The following RAB3B variants were observed in gnomAD, a reference collection of about 807,000 sequenced individuals.
RAB3B encodes the protein ras-related protein Rab-3B.
RAB3B carries 11 observed loss-of-function variants against 20.5 expected under a neutral mutation model. The observed-to-expected ratio is 0.54, with a 90% CI of 0.34 to 0.89. The LOEUF (loss-of-function observed/expected upper bound fraction) is 0.89. RAB3B is among the 40% of genes least tolerant of loss of function. The probability of loss-of-function intolerance (pLI) is 0.02; values close to 1 mark genes in which losing one functional copy is unlikely to be tolerated. For missense variants in RAB3B, 225 were observed against 280.9 expected (o/e 0.80, Z 1.42); for synonymous variants, 99 against 106.3 (o/e 0.93, Z 0.42).
intron 1 of RAB3B, among the ~76,000 whole-genome samples, chr1:51,979,322 G>A (rs542876600): frequency 4.0e-5 from 6 of 150,254 alleles, no homozygotes; most frequent in Non-Finnish European, 8.9e-5. Flanking sequence ...CCAGGCTGGA[G>A]TGCAGTGGTG....
intron 1 of RAB3B, among the ~76,000 whole-genome samples, chr1:51,983,864 G>A (rs1391214763): frequency 2.6e-5 from 4 of 151,946 alleles, no homozygotes; most frequent in Admixed American, 1.3e-4. Flanking sequence ...GGAGGCTGAA[G>A]CACAAAAATT....
At chr1:51,923,988 C>T (rs1317811394) in intron 4 of RAB3B, among the ~76,000 whole-genome samples, 3 of 152,110 alleles carry the variant, frequency 2.0e-5, no homozygotes, top group African/African-American at 2.4e-5. Context: ...CACTTTTTAC[C>T]CTGCATGGCA....
chr1:51,968,043 TG>T (rs951509660), intron 2 of RAB3B, among the ~76,000 whole-genome samples: 1 of 152,116 alleles, frequency 6.6e-6, no homozygotes, highest in Non-Finnish European at 1.5e-5. Flanking sequence ...TCAGAGAGGT[TG>T]GAAGATGTTC....
At chr1:51,982,766 A>AATG (rs1253014187) in intron 1 of RAB3B, among the ~76,000 whole-genome samples, 1 of 151,688 alleles carries the variant, frequency 6.6e-6, no homozygotes, top group Non-Finnish European at 1.5e-5. Context: ...TAATAATAAT[A>AATG]ATAATAAATA....
At chr1:51,926,938 C>T (rs1684252572) in intron 4 of RAB3B, among the ~76,000 whole-genome samples, 1 of 152,152 alleles carries the variant, frequency 6.6e-6, no homozygotes. Flanking sequence ...TGATAATATA[C>T]TATGTACTAT....
At position 51,912,542 on chromosome 1, in the gene RAB3B, TAAA is replaced by T. The variant is rs61590258; in HGVS notation, c.*7382_*7384del. 4 of 6,388 alleles carry T rather than the reference TAAA, an allele frequency of 6.3e-4. No homozygotes were observed. The highest frequency in any genetic ancestry group is 1.6e-3 in the African/African-American group (2 of 1,256). The allele number at this position is 6,388 out of a possible 1,614,324, so 0.4% of individuals were successfully genotyped here. A position where few individuals can be genotyped will look rare whatever the true frequency, so the allele number is the denominator to read the frequency against. On this transcript the variant is annotated 3_prime_UTR_variant, in exon 5 of 5. Coordinates refer to ENST00000371655, the MANE Select transcript of RAB3B (RefSeq NM_002867.4). ...GGCAACATAGCAAGACCGTCTCTAT[TAAA>T]AAAAAAAAAATATATATATATATAT... is the stretch of plus-strand genomic sequence containing the variant.
Position 51,936,900 on chromosome 1 carries a change from G to A in RAB3B, c.347+394C>T, listed in dbSNP as rs192967297. ...GTGATCTCAGCTCACTGCAACCTCCGCCTCCCAGGTTCAAGCAATTCTCCT... is the reference window on the plus strand; with the variant it reads ...GTGATCTCAGCTCACTGCAACCTCCACCTCCCAGGTTCAAGCAATTCTCCT... On this transcript the variant is annotated intron_variant, in intron 3 of 4. Coordinates refer to ENST00000371655, the MANE Select transcript of RAB3B (RefSeq NM_002867.4). 7.3e-3 allele frequency among the ~76,000 whole-genome samples: 1,103 copies of A among 151,276 alleles called. 13 individuals are homozygous for A. Among genetic ancestry groups the A allele is most frequent in the African/African-American group, 0.026 (1,060 of 41,130 alleles).
At chr1:51,963,505 C>T (rs138402958) in intron 2 of RAB3B, among the ~76,000 whole-genome samples, 327 of 152,338 alleles carry the variant, frequency 2.1e-3, no homozygotes, top group Middle Eastern at 0.014. Context: ...AAACACACAA[C>T]CATGCTTCAA....
At position 51,918,488 on chromosome 1, in the gene RAB3B, G is replaced by A. The variant is rs1684119125; in HGVS notation, c.*1439C>T. The stretch of plus-strand genomic sequence containing the variant: ...GACGTCACAGGGCAGAGGGAGCACA[G>A]ACTGTGAAGTCTCTGACAGCAGAGC... On this transcript the variant is annotated 3_prime_UTR_variant, in exon 5 of 5. Coordinates refer to ENST00000371655, the MANE Select transcript of RAB3B (RefSeq NM_002867.4). The A allele has an allele frequency of 6.6e-6, 1 of 152,230 alleles. No individual in the cohort carries two copies. The highest frequency in any genetic ancestry group is 2.4e-5 in the African/African-American group (1 of 41,432). The allele number at this position is 152,230 out of a possible 1,614,324, so 9.4% of individuals were successfully genotyped here.
chr1:51,965,894 C>T (rs962497999), intron 2 of RAB3B, among the ~76,000 whole-genome samples: 4 of 152,278 alleles, frequency 2.6e-5, no homozygotes, highest in Admixed American at 2.6e-4. Flanking sequence ...GCAAAGGACA[C>T]ATGGGAACTC....
At chr1:51,944,312 A>G (rs2124266911) in intron 2 of RAB3B, among the ~76,000 whole-genome samples, 1 of 152,340 alleles carries the variant, frequency 6.6e-6, no homozygotes, top group East Asian at 1.9e-4. Flanking sequence ...CTTTCATAAT[A>G]TTCCTGCTTA....
At chr1:51,990,220 C>T (rs1158068426) in intron 1 of RAB3B, among the ~76,000 whole-genome samples, 1 of 101,096 alleles carries the variant, frequency 9.9e-6, no homozygotes, top group African/African-American at 4.1e-5. Flanking sequence ...TCGCAGCTCC[C>T]CCGCCCCCCA....
chr1:51,927,725 T>G (rs1684263158), intron 4 of RAB3B, among the ~76,000 whole-genome samples: 1 of 152,078 alleles, frequency 6.6e-6, no homozygotes, highest in African/African-American at 2.4e-5. Context: ...ATTGCTTGAG[T>G]CCCGTAGGTG....
chr1:51,948,126 G>A (rs1485490915), intron 2 of RAB3B, among the ~76,000 whole-genome samples: 1 of 152,010 alleles, frequency 6.6e-6, no homozygotes, highest in African/African-American at 2.4e-5. Context: ...TATTATCTCA[G>A]TTTATTCCCT....
intron 4 of RAB3B, among the ~76,000 whole-genome samples, chr1:51,923,008 T>C (rs1684192826): frequency 6.6e-6 from 1 of 152,230 alleles, no homozygotes; most frequent in Non-Finnish European, 1.5e-5. Context: ...ACCAAGTCTT[T>C]ATTGAGCATT....
chr1:51,937,996 C>CTTTTTTTTTTTTTT (rs77664152), intron 2 of RAB3B, among the ~76,000 whole-genome samples: 5 of 88,646 alleles, frequency 5.6e-5, no homozygotes, highest in Admixed American at 1.2e-4. Context: ...ATTTTTGTTT[C>CTTTTTTTTTTTTTT]TTTTTTTTTT....
chr1:51,972,993 G>A (rs1684958260), intron 2 of RAB3B, among the ~76,000 whole-genome samples: 1 of 152,076 alleles, frequency 6.6e-6, no homozygotes, highest in East Asian at 1.9e-4. Context: ...CTTATTTAAT[G>A]TATACAATTT....
Position 51,912,554 on chromosome 1 carries a change from A to AAT in RAB3B, c.*7371_*7372dup, listed in dbSNP as rs1171897939. ...AGACCGTCTCTATTAAAAAAAAAAA[A>AAT]ATATATATATATATATATATATATA... On this transcript the variant is annotated 3_prime_UTR_variant, in exon 5 of 5. Transcript: ENST00000371655. The AAT allele has an allele frequency of 3.9e-4, 6 of 15,500 alleles. No homozygotes were observed. Among genetic ancestry groups the AAT allele is most frequent in the African/African-American group, 1.0e-3 (6 of 5,744 alleles). 1.0% of individuals were successfully genotyped at this position (15,500 alleles called of 1,614,324 possible).
chr1:51,957,073 A>G (rs1422324006), intron 2 of RAB3B, among the ~76,000 whole-genome samples: 1 of 152,088 alleles, frequency 6.6e-6, no homozygotes, highest in East Asian at 1.9e-4. Context: ...AACTCTTTTC[A>G]TGGTTTTGTC....
Sources: allele counts gnomAD v4.1 joint callset (sites outside exome capture counted in the v4.1 genomes callset), GRCh38; gene constraint gnomAD v4.1.1; transcripts MANE v1.5; gene names NCBI Gene and HGNC (gene_info 2026-07-23, HGNC 2026-07-21).